The following AFF2 variants were observed in gnomAD, a reference collection of about 807,000 sequenced individuals.
AFF2 encodes AF4/FMR2 family member 2.
A neutral mutation model predicts 76.9 loss-of-function variants in AFF2; 14 were observed. The observed-to-expected ratio is 0.18, with a 90% confidence interval of 0.12 to 0.28. The LOEUF (loss-of-function observed/expected upper bound fraction) is 0.28, where lower values mean the gene tolerates loss of function less well. AFF2 is among the 10% of genes least tolerant of loss of function. AFF2 has a pLI of 1.00. For synonymous variants in AFF2, 398 were observed against 366.7 expected (o/e 1.09, Z -0.98); for missense variants, 868 against 1,001.1 (o/e 0.87, Z 1.79).
chrX:148,899,368 A>G (rs781933173), intron 8 of AFF2, among the ~76,000 whole-genome samples: 1 of 112,117 alleles, frequency 8.9e-6, no homozygotes, highest in South Asian at 3.7e-4. Context: ...TACCCTAATG[A>G]TGAGTTCATT....
chrX:148,595,098 T>C (rs1479077764), intron 1 of AFF2, among the ~76,000 whole-genome samples: 1 of 111,958 alleles, frequency 8.9e-6, no homozygotes, highest in Non-Finnish European at 1.9e-5. Flanking sequence ...AGAATAGGTA[T>C]CATGCAATGG....
rs1449461716 is a variant in AFF2 at position 148,581,027 on chromosome X, GTATATATACACACA to G, written c.48-70965_48-70952del. Among the ~76,000 whole-genome samples the G allele has an allele frequency of 4.1e-3, 144 of 35,290 alleles. 3 individuals carry two copies. Among genetic ancestry groups the G allele is most frequent in the African/African-American group, 9.6e-3 (136 of 14,150 alleles). The allele number at this position is 35,290 out of a possible 115,157, so 30.6% of individuals were successfully genotyped here. A position where few individuals can be genotyped will look rare whatever the true frequency, so the allele number is the denominator to read the frequency against. On this transcript the variant is annotated intron_variant, in intron 1 of 20. Coordinates refer to ENST00000370460, the MANE Select transcript of AFF2 (RefSeq NM_002025.4). ...GCACCTCCTACACACAAACATATGT[GTATATATACACACA>G]TATATACACATATGTGTATATGTAT...
intron 1 of AFF2, among the ~76,000 whole-genome samples, chrX:148,604,899 A>T (rs1304774448): frequency 8.9e-6 from 1 of 112,287 alleles, no homozygotes; most frequent in Admixed American, 9.4e-5. Context: ...ACTATTAGCT[A>T]ATTTAATGAA....
At chrX:148,701,012 A>ATGTG (rs10675200) in intron 3 of AFF2, among the ~76,000 whole-genome samples, 20,034 of 72,864 alleles carry the variant, frequency 0.27, 2,473 homozygotes, top group East Asian at 0.59. Flanking sequence ...GAGAGAGAGA[A>ATGTG]TGTGTGTGTG....
intron 1 of AFF2, among the ~76,000 whole-genome samples, chrX:148,614,692 C>T (rs1184905422): frequency 2.0e-5 from 1 of 49,372 alleles, no homozygotes; most frequent in African/African-American, 1.2e-4. Context: ...TTCCTTCTTT[C>T]TTTTCTTTCT....
chrX:148,510,639 G>A (rs189588689), intron 1 of AFF2, among the ~76,000 whole-genome samples: 16 of 112,166 alleles, frequency 1.4e-4, no homozygotes, highest in Non-Finnish European at 3.0e-4. Flanking sequence ...AGACACACAA[G>A]TCTGTTCCTC....
intron 3 of AFF2, among the ~76,000 whole-genome samples, chrX:148,729,760 G>C (rs1165186482): frequency 8.9e-6 from 1 of 112,073 alleles, no homozygotes; most frequent in South Asian, 3.7e-4. Context: ...TCGCTAATTC[G>C]GGGAGTTGGG....
intron 7 of AFF2, among the ~76,000 whole-genome samples, chrX:148,875,521 A>G (rs1231274900): frequency 3.6e-5 from 4 of 111,922 alleles, no homozygotes; most frequent in Non-Finnish European, 7.5e-5. Flanking sequence ...CCTTCTGTCT[A>G]CCCAATGAAT....
At chrX:148,773,425 T>G (rs2069615230) in intron 3 of AFF2, among the ~76,000 whole-genome samples, 1 of 110,699 alleles carries the variant, frequency 9.0e-6, no homozygotes, top group African/African-American at 3.3e-5. Context: ...AGAATTCTGT[T>G]TCCAGCTCTT....
rs1056488553 is a variant in AFF2, at chrX:148,832,799, A to C, written c.1087-4848A>C. ...AGCTGAGGCCCAGAATGGACAAGCAACTTGACCAGGGCCACCCACATAGCT... is the reference window on the plus strand; with the variant it reads ...AGCTGAGGCCCAGAATGGACAAGCACCTTGACCAGGGCCACCCACATAGCT... On this transcript the variant is annotated intron_variant, in intron 4 of 20. Transcript: ENST00000370460. Among the ~76,000 whole-genome samples, 33 of 111,816 alleles carry C rather than the reference A, an allele frequency of 3.0e-4. 1 individual carries two copies. Among genetic ancestry groups the C allele is most frequent in the Non-Finnish European group, 5.3e-4 (28 of 53,191 alleles).
intron 7 of AFF2, among the ~76,000 whole-genome samples, chrX:148,847,832 C>A (rs903143359): frequency 3.6e-5 from 4 of 111,979 alleles, no homozygotes; most frequent in African/African-American, 1.3e-4. Context: ...ATTAAACTTG[C>A]CAGGCATCGT....
chrX:148,786,312 C>T (rs1747851194), intron 3 of AFF2, among the ~76,000 whole-genome samples: 1 of 111,589 alleles, frequency 9.0e-6, no homozygotes, highest in African/African-American at 3.3e-5. Flanking sequence ...TACAGGCATT[C>T]ATGTATTTGT....
chrX:148,555,176 C>T (rs868906975), intron 1 of AFF2, among the ~76,000 whole-genome samples: 3 of 112,013 alleles, frequency 2.7e-5, no homozygotes, highest in Non-Finnish European at 5.6e-5. Flanking sequence ...TGGCCCCTGA[C>T]ACTCACATGT....
rs782199887 is a variant in AFF2 at position 148,612,734 on chromosome X, G to A, written c.48-39265G>A. Reference sequence around the variant, plus strand: ...TACAAGAGAATTTTCTGATTAGTACGAAAAGATAACCAATGTGCAAATATT... The same window carrying A: ...TACAAGAGAATTTTCTGATTAGTACAAAAAGATAACCAATGTGCAAATATT... On this transcript the variant is annotated intron_variant, in intron 1 of 20. Transcript: ENST00000370460. Among the ~76,000 whole-genome samples the A allele has an allele frequency of 4.5e-5, 5 of 111,892 alleles. No homozygotes were observed. In the South Asian group the frequency reaches 1.1e-3, roughly 25 times the overall value.
At chrX:148,874,368 A>G (rs1197810063) in intron 7 of AFF2, among the ~76,000 whole-genome samples, 2 of 111,225 alleles carry the variant, frequency 1.8e-5, no homozygotes, top group African/African-American at 6.5e-5. Context: ...CTCTTTTCAC[A>G]TATTATTTCA....
intron 1 of AFF2, among the ~76,000 whole-genome samples, chrX:148,622,715 C>A (rs2053881933): frequency 9.0e-6 from 1 of 111,366 alleles, no homozygotes; most frequent in Admixed American, 9.5e-5. Flanking sequence ...AGTATCAGAA[C>A]CCTACAATGT....
At chrX:148,592,487 TAA>T (rs11357532) in intron 1 of AFF2, among the ~76,000 whole-genome samples, 30 of 92,704 alleles carry the variant, frequency 3.2e-4, no homozygotes, top group African/African-American at 7.8e-4. Flanking sequence ...AGGCCTGCTA[TAA>T]AAAAAAAAAA....
chrX:148,778,212 G>A (rs929626300), intron 3 of AFF2, among the ~76,000 whole-genome samples: 7 of 111,624 alleles, frequency 6.3e-5, no homozygotes, highest in African/African-American at 6.5e-5. Context: ...CGACTTGATC[G>A]TGGTGGATAA....
rs782597162 is a variant in AFF2 at position 148,512,182 on chromosome X, A to C, written c.47+11038A>C. ...AAGAGCCATGATGGACCTTTTTAAA[A>C]AAAATAACAGTTAAATGTTAACTAT... is the stretch of plus-strand genomic sequence containing the variant. On this transcript the variant is annotated intron_variant, in intron 1 of 20. Transcript: ENST00000370460. Among the ~76,000 whole-genome samples the C allele has an allele frequency of 2.7e-5, 3 of 112,404 alleles. No homozygotes were observed. In the East Asian group the frequency reaches 8.3e-4, roughly 31 times the overall value.
Sources: allele counts gnomAD v4.1 joint callset (sites outside exome capture counted in the v4.1 genomes callset), GRCh38; gene constraint gnomAD v4.1.1; transcripts MANE v1.5; gene names NCBI Gene and HGNC (gene_info 2026-07-23, HGNC 2026-07-21).